The following NRXN3 variants were observed in gnomAD, a reference collection of about 807,000 sequenced individuals.
The protein encoded by NRXN3 is neurexin 3, also known as neurexin III.
In NRXN3, 32 loss-of-function variants were observed where a neutral mutation model predicts 137.6. The ratio of observed to expected loss-of-function variants is 0.23; its 90% CI spans 0.18 to 0.31. NRXN3 has a LOEUF of 0.31. Among genes scored for constraint, NRXN3 ranks in the 10% least tolerant of loss-of-function variants. The pLI, the probability that NRXN3 is intolerant of heterozygous loss-of-function variation, is 1.00. For missense variants in NRXN3, 1,574 were observed against 2,062.5 expected (o/e 0.76, Z 4.59); for synonymous variants, 798 against 784.5 (o/e 1.02, Z -0.29).
intron 19 of NRXN3, among the ~76,000 whole-genome samples, chr14:79,742,266 A>G (rs1021755763): frequency 1.3e-5 from 2 of 152,178 alleles, no homozygotes; most frequent in African/African-American, 2.4e-5. Flanking sequence ...AAAGCATTGT[A>G]AATCTTTTGG....
chr14:79,054,909 A>C (rs967682166), intron 15 of NRXN3, among the ~76,000 whole-genome samples: 1 of 152,204 alleles, frequency 6.6e-6, no homozygotes, highest in African/African-American at 2.4e-5. Flanking sequence ...AAATGTAAAC[A>C]GATGTTAGTT....
At chr14:79,788,181 T>A (rs1034985398) in intron 19 of NRXN3, among the ~76,000 whole-genome samples, 1 of 152,120 alleles carries the variant, frequency 6.6e-6, no homozygotes, top group Non-Finnish European at 1.5e-5. Context: ...TCCGATCTCA[T>A]GAAACTTATT....
intron 4 of NRXN3, among the ~76,000 whole-genome samples, chr14:78,347,063 G>A (rs1343465921): frequency 6.6e-6 from 1 of 152,056 alleles, no homozygotes; most frequent in African/African-American, 2.4e-5. Flanking sequence ...GTAGAGGAGT[G>A]GAAAACTGTT....
intron 15 of NRXN3, among the ~76,000 whole-genome samples, chr14:79,387,585 C>T (rs1281062312): frequency 6.6e-6 from 1 of 152,146 alleles, no homozygotes; most frequent in South Asian, 2.1e-4. Flanking sequence ...CCATTTGACC[C>T]AACCATCCCA....
chr14:78,378,314 G>A (rs1397582477), intron 4 of NRXN3, among the ~76,000 whole-genome samples: 5 of 151,962 alleles, frequency 3.3e-5, no homozygotes, highest in Non-Finnish European at 5.9e-5. Context: ...GTGAAACCTC[G>A]TTTCCACTAA....
chr14:79,828,618 C>CAA (rs60094990), intron 20 of NRXN3, among the ~76,000 whole-genome samples: 7 of 67,560 alleles, frequency 1.0e-4, no homozygotes, highest in Admixed American at 2.4e-4. Flanking sequence ...GACTCCATCT[C>CAA]AAAAAAAAAA....
At chr14:79,843,864 G>A (rs2141518852) in intron 20 of NRXN3, among the ~76,000 whole-genome samples, 1 of 152,178 alleles carries the variant, frequency 6.6e-6, no homozygotes, top group Non-Finnish European at 1.5e-5. Flanking sequence ...CCTGAGCAGT[G>A]TACATTGTAC....
chr14:79,509,456 C>T (rs2096910906), intron 16 of NRXN3, among the ~76,000 whole-genome samples: 1 of 151,658 alleles, frequency 6.6e-6, no homozygotes, highest in African/African-American at 2.4e-5. Flanking sequence ...GCGGAGGCTG[C>T]AGTGAGCCAA....
chr14:79,213,304 T>G (rs2067977526), intron 15 of NRXN3, among the ~76,000 whole-genome samples: 1 of 152,120 alleles, frequency 6.6e-6, no homozygotes, highest in Non-Finnish European at 1.5e-5. Flanking sequence ...CCTAAGAAAC[T>G]ATAAAAAATG....
Position 78,928,840 on chromosome 14 carries a change from T to C in NRXN3, c.2276-28402T>C, listed in dbSNP as rs1379276685. Among the ~76,000 whole-genome samples the C allele has an allele frequency of 5.3e-5, 8 of 152,312 alleles. No homozygotes were observed. In the East Asian group the frequency reaches 1.5e-3, roughly 29 times the overall value. ...CCAGTAATGGGATTGCTGGGTCAAA[T>C]GGTATTTTTAGTTCTAGATTGAGGA... is the stretch of plus-strand genomic sequence containing the variant. On this transcript the variant is annotated intron_variant, in intron 10 of 20. Transcript: ENST00000335750.
intron 15 of NRXN3, among the ~76,000 whole-genome samples, chr14:79,339,066 T>C (rs1310130340): frequency 1.4e-5 from 2 of 144,994 alleles, no homozygotes; most frequent in East Asian, 2.3e-4. Flanking sequence ...AGTCCCTCCC[T>C]CCCCACCCAC....
chr14:79,664,468 T>G (rs1052469833), intron 17 of NRXN3, among the ~76,000 whole-genome samples: 2 of 152,140 alleles, frequency 1.3e-5, no homozygotes, highest in African/African-American at 4.8e-5. Flanking sequence ...TGGTGGACTT[T>G]GCTAGTTTTT....
intron 1 of NRXN3, among the ~76,000 whole-genome samples, chr14:78,179,196 G>A (rs1595624860): frequency 6.6e-6 from 1 of 152,150 alleles, no homozygotes; most frequent in Admixed American, 6.5e-5. Context: ...GATAAAGGGT[G>A]GGAAGGGATG....
intron 8 of NRXN3, 31 bp from the exon 9 acceptor site, chr14:78,803,588 TC>T (rs764376839): frequency 1.7e-4 from 280 of 1,605,974 alleles, no homozygotes; most frequent in Non-Finnish European, 2.3e-4. Flanking sequence ...ACATCCGTCA[TC>T]CTAACGATCT....
chr14:79,004,266 T>TC (rs2099547615), intron 15 of NRXN3, among the ~76,000 whole-genome samples: 1 of 152,206 alleles, frequency 6.6e-6, no homozygotes, highest in Non-Finnish European at 1.5e-5. Flanking sequence ...TTTCTTTCTT[T>TC]CTTTTTTTTT....
intron 16 of NRXN3, among the ~76,000 whole-genome samples, chr14:79,587,340 G>C (rs1037519333): frequency 2.0e-5 from 3 of 152,248 alleles, no homozygotes; most frequent in Non-Finnish European, 4.4e-5. Flanking sequence ...TTTTATTTCA[G>C]CTTGCACTGT....
At chr14:79,711,854 G>A (rs2098805472) in intron 19 of NRXN3, among the ~76,000 whole-genome samples, 1 of 152,264 alleles carries the variant, frequency 6.6e-6, no homozygotes, top group Non-Finnish European at 1.5e-5. Flanking sequence ...GATGGATGAT[G>A]GAGCTGGGGG....
chr14:78,663,049 C>T (rs527590659), intron 6 of NRXN3, among the ~76,000 whole-genome samples: 2 of 152,310 alleles, frequency 1.3e-5, no homozygotes, highest in East Asian at 1.9e-4. Flanking sequence ...CACAAAAAAG[C>T]TTATGAGCTG....
intron 16 of NRXN3, among the ~76,000 whole-genome samples, chr14:79,607,988 C>T (rs2098044813): frequency 6.6e-6 from 1 of 152,160 alleles, no homozygotes; most frequent in African/African-American, 2.4e-5. Context: ...AAATGTTTTT[C>T]ATAGTGGACT....
Sources: gnomAD v4.1 joint callset for allele counts (sites outside exome capture counted in the v4.1 genomes callset) on GRCh38, gnomAD v4.1.1 for gene constraint, MANE v1.5 for transcripts, NCBI Gene and HGNC (gene_info 2026-07-23, HGNC 2026-07-21) for gene names.